The following CSNK1G1 variants were observed in gnomAD, a reference collection of about 807,000 sequenced individuals.
The protein encoded by CSNK1G1 is casein kinase 1 gamma 1.
A neutral mutation model predicts 59.6 loss-of-function variants in CSNK1G1; 22 were observed. The ratio of observed to expected loss-of-function variants is 0.37; its 90% CI spans 0.26 to 0.53. CSNK1G1 has a LOEUF of 0.53. Among genes scored for constraint, CSNK1G1 ranks in the 20% least tolerant of loss-of-function variants. The probability of loss-of-function intolerance (pLI) is 0.89; values close to 1 mark genes in which losing one functional copy is unlikely to be tolerated. For missense variants in CSNK1G1, 384 were observed against 519.5 expected (o/e 0.74, Z 2.54); for synonymous variants, 179 against 177.1 (o/e 1.01, Z -0.08).
intron 3 of CSNK1G1, among the ~76,000 whole-genome samples, chr15:64,252,376 A>C (rs1407844747): frequency 6.6e-6 from 1 of 151,932 alleles, no homozygotes; most frequent in African/African-American, 2.4e-5. Context: ...ACTCACAGCT[A>C]ATTTTTAATT....
intron 1 of CSNK1G1, among the ~76,000 whole-genome samples, chr15:64,327,333 G>C (rs1435096020): frequency 2.7e-5 from 4 of 150,086 alleles, no homozygotes; most frequent in Non-Finnish European, 4.5e-5. Flanking sequence ...ATCTGAGAAC[G>C]GGCAGACTGC....
intron 10 of CSNK1G1, among the ~76,000 whole-genome samples, chr15:64,195,934 A>G (rs2082032399): frequency 6.6e-6 from 1 of 152,198 alleles, no homozygotes; most frequent in Non-Finnish European, 1.5e-5. Flanking sequence ...TTTATGTTCA[A>G]AAAAATTGTG....
intron 1 of CSNK1G1, among the ~76,000 whole-genome samples, chr15:64,316,525 G>T (rs1278762913): frequency 2.1e-5 from 2 of 96,014 alleles, no homozygotes; most frequent in Non-Finnish European, 3.7e-5. Context: ...GAGAGAGCAA[G>T]ACTCTGTCTC....
Position 64,203,109 on chromosome 15 carries a change from T to C in CSNK1G1, c.1080A>G (p.Pro360=). The change falls in exon 10 of 12, where the codon CCA becomes CCG. Residue 360 remains proline (P), a synonymous_variant. Coordinates refer to ENST00000303052, the MANE Select transcript of CSNK1G1 (RefSeq NM_022048.5). ...GATTTCGAAGAGGCTGCTGTTGTGATGGCCGATCCCTATGTGTGTGGCTTT... is the reference window on the plus strand; with the variant it reads ...GATTTCGAAGAGGCTGCTGTTGTGACGGCCGATCCCTATGTGTGTGGCTTT... ...TRESHTHRDR[P]SQQQPLRNQV... 1.2e-6 allele frequency: 2 copies of C among 1,614,052 alleles called. No individual in the cohort carries two copies. The highest frequency in any genetic ancestry group is 1.7e-6 in the Non-Finnish European group (2 of 1,179,882).
At chr15:64,225,138 G>A (rs1030610649) in intron 4 of CSNK1G1, among the ~76,000 whole-genome samples, 3 of 151,050 alleles carry the variant, frequency 2.0e-5, no homozygotes, top group Non-Finnish European at 4.4e-5. Flanking sequence ...CCACCCGAGT[G>A]GCTGGGATTA....
chr15:64,252,361 C>T (rs1456033088), intron 3 of CSNK1G1, among the ~76,000 whole-genome samples: 6 of 151,932 alleles, frequency 3.9e-5, no homozygotes, highest in African/African-American at 9.7e-5. Flanking sequence ...CAAGTGTGTG[C>T]CACCACTCAC....
chr15:64,185,886 A>G (rs1034043014), intron 10 of CSNK1G1, among the ~76,000 whole-genome samples: 2 of 151,772 alleles, frequency 1.3e-5, no homozygotes, highest in African/African-American at 2.4e-5. Context: ...AAAAGAGAGA[A>G]AAAGAAATAT....
At chr15:64,336,699 T>C (rs1897406037) in intron 1 of CSNK1G1, among the ~76,000 whole-genome samples, 3 of 152,094 alleles carry the variant, frequency 2.0e-5, no homozygotes, top group Admixed American at 1.3e-4. Context: ...CCAAGGAAAA[T>C]ATAACTTTCA....
At chr15:64,191,441 A>G (rs1248581140) in intron 10 of CSNK1G1, among the ~76,000 whole-genome samples, 1 of 152,188 alleles carries the variant, frequency 6.6e-6, no homozygotes, top group Admixed American at 6.5e-5. Flanking sequence ...TAAAGTTAAG[A>G]AAACCCTGGA....
chr15:64,206,253 A>G (rs1348958392), intron 7 of CSNK1G1, among the ~76,000 whole-genome samples: 1 of 152,152 alleles, frequency 6.6e-6, no homozygotes, highest in Non-Finnish European at 1.5e-5. Context: ...CAGTCTGGCC[A>G]ATATGGTGAA....
At position 64,210,782 on chromosome 15, in the gene CSNK1G1, A is replaced by G. The variant is rs1017404953; in HGVS notation, c.679+3108T>C. 1.3e-5 allele frequency among the ~76,000 whole-genome samples: 2 copies of G among 152,156 alleles called. No individual in the cohort carries two copies. The highest frequency in any genetic ancestry group is 4.8e-5 in the African/African-American group (2 of 41,414). ...CCTTCCCCCGGACCCCCCAACACACACAAACCTCACGTTGAAATTTGATCC... is the reference window on the plus strand; with the variant it reads ...CCTTCCCCCGGACCCCCCAACACACGCAAACCTCACGTTGAAATTTGATCC... On this transcript the variant is annotated intron_variant, in intron 6 of 11. Coordinates refer to ENST00000303052, the MANE Select transcript of CSNK1G1 (RefSeq NM_022048.5). This position sits in a 1 kb window ranked among gnomAD's most constrained non-coding sequence, Gnocchi z 4.2.
chr15:64,343,972 T>C (rs779542721), intron 1 of CSNK1G1, among the ~76,000 whole-genome samples: 57 of 152,082 alleles, frequency 3.7e-4, no homozygotes, highest in South Asian at 2.1e-4. Flanking sequence ...CATTCCTTTC[T>C]TTTTAAACAT....
chr15:64,181,507 T>C (rs1021504199), intron 10 of CSNK1G1: 3 of 1,305,784 alleles, frequency 2.3e-6, no homozygotes, highest in African/African-American at 3.0e-5. Flanking sequence ...CTTCCATCTA[T>C]TTGAGATTGT....
At chr15:64,299,104 T>C (rs1222665356) in intron 2 of CSNK1G1, among the ~76,000 whole-genome samples, 3 of 140,722 alleles carry the variant, frequency 2.1e-5, no homozygotes, top group Non-Finnish European at 4.7e-5. Flanking sequence ...CTCCCACCAC[T>C]CCCCCCAAAG....
At chr15:64,287,840 T>C (rs1894512179) in intron 2 of CSNK1G1, among the ~76,000 whole-genome samples, 1 of 152,154 alleles carries the variant, frequency 6.6e-6, no homozygotes, top group South Asian at 2.1e-4. Context: ...AGACATCTAG[T>C]TTAACATGGC....
At chr15:64,273,111 C>T (rs1893414405) in intron 2 of CSNK1G1, among the ~76,000 whole-genome samples, 1 of 152,164 alleles carries the variant, frequency 6.6e-6, no homozygotes, top group Non-Finnish European at 1.5e-5. Flanking sequence ...TAAGTGAGAA[C>T]TTACTGCACT....
chr15:64,339,593 A>G lies in CSNK1G1; in HGVS notation c.-225+16395T>C, dbSNP rs561192264. Among the ~76,000 whole-genome samples, 26 of 152,290 alleles carry G rather than the reference A, an allele frequency of 1.7e-4. 2 individuals are homozygous for G. The East Asian group carries it at 1.7e-3, about 10-fold the overall frequency. ...CTCCCAAAGTGCTGGGATTACAGAC[A>G]TGAGCCCAGCCAGCAATCTGTGTTT... On this transcript the variant is annotated intron_variant, in intron 1 of 11. Coordinates refer to ENST00000303052, the MANE Select transcript of CSNK1G1 (RefSeq NM_022048.5).
At chr15:64,341,966 C>G (rs1393903061) in intron 1 of CSNK1G1, among the ~76,000 whole-genome samples, 1 of 152,196 alleles carries the variant, frequency 6.6e-6, no homozygotes, top group Non-Finnish European at 1.5e-5. Context: ...AAGCACTATA[C>G]AAAAATTTCC....
In CSNK1G1 at chr15:64,200,390, G is replaced by A. The variant is rs2082091973; in HGVS notation, c.1107+2692C>T. On this transcript the variant is annotated intron_variant, in intron 10 of 11. Coordinates refer to ENST00000303052, the MANE Select transcript of CSNK1G1 (RefSeq NM_022048.5). The surrounding 1 kb of genome is among the most constrained non-coding windows in gnomAD (Gnocchi z 4.3). ...CCAGGCTGGAGTGCAGTGGTGCCCA[G>A]GCTGGGGTGTAATGGTACCATCTCG... 6.6e-6 allele frequency among the ~76,000 whole-genome samples: 1 copy of A among 152,098 alleles called. No individual in the cohort carries two copies. The highest frequency in any genetic ancestry group is 2.1e-4 in the South Asian group (1 of 4,824).
Sources: gnomAD v4.1 joint callset for allele counts (sites outside exome capture counted in the v4.1 genomes callset) on GRCh38, gnomAD v4.1.1 for gene constraint, Gnocchi (gnomAD v3.1) non-coding constraint, MANE v1.5 for transcripts, NCBI Gene and HGNC (gene_info 2026-07-23, HGNC 2026-07-21) for gene names.